Variants in PDE4D observed in about 807,000 individuals in gnomAD.
PDE4D encodes the protein 3',5'-cyclic-AMP phosphodiesterase 4D.
PDE4D carries 24 observed loss-of-function variants against 87.4 expected under a neutral mutation model. The observed-to-expected ratio is 0.27, with a 90% confidence interval of 0.20 to 0.39. PDE4D has a LOEUF of 0.39. Among genes scored for constraint, PDE4D ranks in the 10% least tolerant of loss-of-function variants. The pLI is 1.00. For synonymous variants in PDE4D, 384 were observed against 383.2 expected (o/e 1.00, Z -0.02); for missense variants, 714 against 1,041.0 (o/e 0.69, Z 4.32).
chr5:59,961,458 A>G (rs1423939069), intron 3 of PDE4D, among the ~76,000 whole-genome samples: 6 of 152,072 alleles, frequency 3.9e-5, no homozygotes, highest in Non-Finnish European at 8.8e-5. Flanking sequence ...CCAGCCCTAC[A>G]GCACCTTGAT....
intron 1 of PDE4D, among the ~76,000 whole-genome samples, chr5:59,718,556 T>G (rs1755356925): frequency 6.6e-6 from 1 of 152,164 alleles, no homozygotes; most frequent in Non-Finnish European, 1.5e-5. Flanking sequence ...GCACATAAAG[T>G]AATTTTATCA....
At chr5:59,233,058 A>T (rs905326353) in intron 1 of PDE4D, among the ~76,000 whole-genome samples, 2 of 152,168 alleles carry the variant, frequency 1.3e-5, no homozygotes, top group Non-Finnish European at 2.9e-5. Context: ...TGGCTAACGT[A>T]TGCAAACATA....
chr5:59,345,596 C>T (rs1255236195), intron 1 of PDE4D, among the ~76,000 whole-genome samples: 1 of 151,640 alleles, frequency 6.6e-6, no homozygotes, highest in Non-Finnish European at 1.5e-5. Flanking sequence ...CACACTATTC[C>T]TGGAAAAACA....
intron 2 of PDE4D, among the ~76,000 whole-genome samples, chr5:60,161,011 T>A (rs1243773694): frequency 6.6e-6 from 1 of 152,210 alleles, no homozygotes; most frequent in African/African-American, 2.4e-5. Flanking sequence ...CAAAAGATTT[T>A]CTTAATGAAT....
chr5:59,490,025 ATTGT>A (rs1206896654), intron 1 of PDE4D, among the ~76,000 whole-genome samples: 3 of 152,174 alleles, frequency 2.0e-5, no homozygotes, highest in Admixed American at 6.5e-5. Flanking sequence ...CAACATTTTA[ATTGT>A]TTATTACTTC....
chr5:59,025,500 CT>C (rs1347360034), intron 6 of PDE4D, among the ~76,000 whole-genome samples: 1 of 152,100 alleles, frequency 6.6e-6, no homozygotes, highest in African/African-American at 2.4e-5. Flanking sequence ...TTGCATGGTT[CT>C]TTTTTTCCTA....
chr5:59,762,621 TATATGTGTATATGGGTACAC>T (rs1274643416), intron 1 of PDE4D, among the ~76,000 whole-genome samples: 2 of 135,642 alleles, frequency 1.5e-5, no homozygotes, highest in South Asian at 2.3e-4. Flanking sequence ...TACATATGTG[TATATGTGTATATGGGTACAC>T]ATATGTGTAT....
At chr5:60,115,176 T>C (rs1778052286) in intron 2 of PDE4D, among the ~76,000 whole-genome samples, 1 of 152,272 alleles carries the variant, frequency 6.6e-6, no homozygotes, top group African/African-American at 2.4e-5. Flanking sequence ...TGGGGTACAC[T>C]GTTAACATAA....
At chr5:59,920,497 CAG>C (rs1393227786) in intron 3 of PDE4D, among the ~76,000 whole-genome samples, 10 of 152,088 alleles carry the variant, frequency 6.6e-5, no homozygotes, top group African/African-American at 2.2e-4. Flanking sequence ...TCAGCTGAAA[CAG>C]GGAGTATTTT....
At chr5:59,249,104 A>G (rs987395809) in intron 1 of PDE4D, among the ~76,000 whole-genome samples, 5 of 152,114 alleles carry the variant, frequency 3.3e-5, no homozygotes, top group Non-Finnish European at 5.9e-5. Context: ...TATCTAATAC[A>G]TAAAGAACTC....
chr5:59,321,698 C>T (rs1774749598), intron 1 of PDE4D, among the ~76,000 whole-genome samples: 1 of 152,112 alleles, frequency 6.6e-6, no homozygotes, highest in Non-Finnish European at 1.5e-5. Context: ...CTTCCTGAGT[C>T]ACTGGTCACT....
chr5:60,130,928 T>C (rs1467334387), intron 2 of PDE4D, among the ~76,000 whole-genome samples: 3 of 152,206 alleles, frequency 2.0e-5, no homozygotes, highest in African/African-American at 7.2e-5. Flanking sequence ...AGTTGAAAAC[T>C]ATAAACAGGG....
At chr5:59,558,629 G>A (rs1819399551) in intron 1 of PDE4D, 1 of 152,132 alleles carries the variant, frequency 6.6e-6, no homozygotes, top group South Asian at 2.1e-4. Context: ...ATATTTTAAA[G>A]AGAAAACTGA....
In PDE4D at chr5:59,893,426, T is replaced by C; in HGVS notation, c.197A>G (p.Gln66Arg). ...HLPPPPPPSP[Q>R]PQPQCPLQPP... is the part of the protein sequence containing the mutation. ...CTGTAGCGGACACTGGGGCTGGGGC[T>C]GGGGCGAGGGTGGCGGCGGCGGGGG... The change falls in exon 1 of 15, where the codon CAG becomes CGG. Residue 66 changes from glutamine (Q) to arginine (R), a missense_variant. By Grantham distance (43) the Gln-to-Arg change is conservative. This residue lies in a region of PDE4D where 268 missense variants were observed against 272.9 expected (regional missense o/e 0.98). Transcript: ENST00000340635. 3.4e-6 allele frequency: 5 copies of C among 1,485,164 alleles called. No homozygotes were observed. The highest frequency in any genetic ancestry group is 4.5e-6 in the Non-Finnish European group (5 of 1,112,986). The allele number at this position is 1,485,164 out of a possible 1,614,324, so 92.0% of individuals were successfully genotyped here.
Position 60,136,803 on chromosome 5 carries a change from TCTTA to T in PDE4D, c.42+48750_42+48753del, listed in dbSNP as rs1780088211. The stretch of plus-strand genomic sequence containing the variant: ...CTTGCATCTAGACAAGTTCTTTTCT[TCTTA>T]CTTTACAACTTTAAGTTCATGGGTA... On this transcript the variant is annotated intron_variant, in intron 2 of 16. Coordinates refer to the PDE4D transcript ENST00000502484. Among the ~76,000 whole-genome samples the T allele has an allele frequency of 2.6e-5, 4 of 152,140 alleles. No individual in the cohort carries two copies. In the South Asian group the frequency reaches 8.3e-4, roughly 31 times the overall value.
At chr5:59,740,605 T>C (rs934841839) in intron 1 of PDE4D, among the ~76,000 whole-genome samples, 2 of 152,178 alleles carry the variant, frequency 1.3e-5, no homozygotes, top group Non-Finnish European at 1.5e-5. Context: ...CAAAGATGCA[T>C]GAATGAAAAT....
rs536331550 is a variant in PDE4D at position 59,302,259 on chromosome 5, T to C, written c.456-86291A>G. Among the ~76,000 whole-genome samples, 29 of 152,306 alleles carry C rather than the reference T, an allele frequency of 1.9e-4. No individual in the cohort carries two copies. In the East Asian group the frequency reaches 5.0e-3, roughly 26 times the overall value. On this transcript the variant is annotated intron_variant, in intron 1 of 14. Coordinates refer to ENST00000340635, the MANE Select transcript of PDE4D (RefSeq NM_001104631.2). ...GAAGAATCAGGATACAGTAACTCTA[T>C]AAAAGCCTTGAACCAATGATCAAGC...
upstream of PDE4D, chr5:60,491,537 C>T (rs1281533658): frequency 6.6e-6 from 1 of 152,150 alleles, no homozygotes; most frequent in Non-Finnish European, 1.5e-5. Flanking sequence ...TTTTAGTACT[C>T]ATATATTGCA....
At chr5:60,402,583 C>T (rs976481969) in intron 1 of PDE4D, among the ~76,000 whole-genome samples, 5 of 152,168 alleles carry the variant, frequency 3.3e-5, no homozygotes, top group South Asian at 2.1e-4. Context: ...GTTGCACCAC[C>T]GAGTGGACAG....
Sources: gnomAD v4.1 joint callset for allele counts (sites outside exome capture counted in the v4.1 genomes callset) on GRCh38, gnomAD v4.1.1 for gene constraint, gnomAD v4.1.1 regional missense constraint, MANE v1.5 for transcripts, NCBI Gene and HGNC (gene_info 2026-07-23, HGNC 2026-07-21) for gene names.